Variants in PRKN observed in about 807,000 individuals in gnomAD.
PRKN encodes the protein E3 ubiquitin-protein ligase parkin.
Under a neutral mutation model 59.5 loss-of-function variants are expected in PRKN, and 56 were observed. The ratio of observed to expected loss-of-function variants is 0.94; its 90% CI spans 0.76 to 1.18. The LOEUF is 1.18. Ranked by LOEUF, PRKN falls within the 50% of genes most tolerant of loss-of-function variation. PRKN has a pLI of 0.00. For missense variants in PRKN, 657 were observed against 596.4 expected, an observed-to-expected ratio of 1.10 and a Z score of -1.06; for synonymous variants, 250 against 222.1, an observed-to-expected ratio of 1.13 and a Z score of -1.12.
chr6:162,080,988 A>G (rs987074268), intron 4 of PRKN, among the ~76,000 whole-genome samples: 3 of 152,090 alleles, frequency 2.0e-5, no homozygotes, highest in African/African-American at 7.3e-5. Flanking sequence ...TTGTTCTTCC[A>G]TAAGAAGCAA....
intron 6 of PRKN, among the ~76,000 whole-genome samples, chr6:161,850,664 C>T (rs1282209399): frequency 6.6e-6 from 1 of 151,254 alleles, no homozygotes; most frequent in Non-Finnish European, 1.5e-5. Flanking sequence ...TCTTCCCGTT[C>T]AGTAATAATT....
At chr6:162,034,766 C>T (rs1434674786) in intron 5 of PRKN, among the ~76,000 whole-genome samples, 1 of 152,148 alleles carries the variant, frequency 6.6e-6, no homozygotes, top group African/African-American at 2.4e-5. Flanking sequence ...TTAACTTTAT[C>T]CAAGACTCTA....
intron 1 of PRKN, among the ~76,000 whole-genome samples, chr6:162,586,252 T>C (rs1219332846): frequency 6.6e-6 from 1 of 152,202 alleles, no homozygotes; most frequent in Non-Finnish European, 1.5e-5. Flanking sequence ...ACGTACCTCC[T>C]TCTAACTACG....
rs537671875 is a variant in PRKN, at chr6:161,530,521, CT to C, written c.1083+18332del. Among the ~76,000 whole-genome samples the C allele has an allele frequency of 1.0e-3, 144 of 141,684 alleles. No homozygotes were observed. The highest frequency in any genetic ancestry group is 1.1e-3 in the Admixed American group (16 of 14,332). 93.0% of individuals were successfully genotyped at this position (141,684 alleles called of 152,430 possible). ...GGCTTGCTTCTTTTTTTCTTTTTTTCTTTTTTTTTTTTGAGATGGAGTTTCA... is the reference window on the plus strand; with the variant it reads ...GGCTTGCTTCTTTTTTTCTTTTTTTCTTTTTTTTTTTGAGATGGAGTTTCA... On this transcript the variant is annotated intron_variant, in intron 9 of 11. Transcript: ENST00000366898. The surrounding 1 kb of genome is among the most constrained non-coding windows in gnomAD (Gnocchi z 5.0).
At chr6:161,957,664 C>T (rs1296694738) in intron 6 of PRKN, among the ~76,000 whole-genome samples, 1 of 152,134 alleles carries the variant, frequency 6.6e-6, no homozygotes, top group Admixed American at 6.6e-5. Context: ...ACCTTGTGAT[C>T]CACCCGCCTC....
At chr6:162,394,963 T>TA (rs1787399030) in intron 2 of PRKN, among the ~76,000 whole-genome samples, 1 of 152,140 alleles carries the variant, frequency 6.6e-6, no homozygotes, top group South Asian at 2.1e-4. Context: ...AAGCCAGGGG[T>TA]TGTCTTATTA....
intron 7 of PRKN, among the ~76,000 whole-genome samples, chr6:161,781,710 A>G (rs1324818423): frequency 1.3e-5 from 2 of 152,234 alleles, no homozygotes; most frequent in African/African-American, 4.8e-5. Flanking sequence ...GCTATACAGA[A>G]AATATTTTTG....
intron 3 of PRKN, among the ~76,000 whole-genome samples, chr6:162,224,910 A>C (rs1372913642): frequency 6.6e-6 from 1 of 152,180 alleles, no homozygotes; most frequent in Non-Finnish European, 1.5e-5. Flanking sequence ...TACTCATCTG[A>C]GATGCCCTGG....
Position 162,226,063 on chromosome 6 carries a change from T to TTAATAA in PRKN, c.413-24817_413-24812dup, listed in dbSNP as rs746613563. On this transcript the variant is annotated intron_variant, in intron 3 of 11. Transcript: ENST00000366898. ...AGGTAGGGAGAAGGCATCAATAAGT[T>TTAATAA]TAATAATAATAATAATAATAATAAT... 3.3e-3 allele frequency among the ~76,000 whole-genome samples: 470 copies of TTAATAA among 141,220 alleles called. 4 individuals are homozygous for TTAATAA. The highest frequency in any genetic ancestry group is 0.021 in the South Asian group (91 of 4,414). The allele number at this position is 141,220 out of a possible 152,430, so 92.6% of individuals were successfully genotyped here.
At chr6:162,323,778 C>G (rs1401783461) in intron 2 of PRKN, among the ~76,000 whole-genome samples, 1 of 152,020 alleles carries the variant, frequency 6.6e-6, no homozygotes, top group Non-Finnish European at 1.5e-5. Context: ...TTGGGAATAA[C>G]TGAAACTCCC....
chr6:162,277,621 A>T (rs532400790), intron 2 of PRKN, among the ~76,000 whole-genome samples: 12 of 152,312 alleles, frequency 7.9e-5, no homozygotes, highest in African/African-American at 2.6e-4. Flanking sequence ...AACAAACATT[A>T]AAAAAGGGCC....
At chr6:162,472,654 AT>A (rs1214037792) in intron 1 of PRKN, among the ~76,000 whole-genome samples, 8 of 117,782 alleles carry the variant, frequency 6.8e-5, no homozygotes, top group Non-Finnish European at 7.2e-5. Flanking sequence ...CGCCCGGCTA[AT>A]TTTTTTTTTG....
intron 11 of PRKN, among the ~76,000 whole-genome samples, chr6:161,358,745 A>G (rs1489782032): frequency 6.7e-6 from 1 of 149,032 alleles, no homozygotes; most frequent in Non-Finnish European, 1.5e-5. Context: ...GGTGGTGGAG[A>G]CTAGAGAAGC....
intron 4 of PRKN, among the ~76,000 whole-genome samples, chr6:162,063,875 T>A (rs1024859251): frequency 3.3e-5 from 5 of 152,128 alleles, no homozygotes; most frequent in African/African-American, 1.2e-4. Flanking sequence ...AAACATATAG[T>A]TAAACTATGA....
chr6:161,574,808 T>G (rs551551920), intron 7 of PRKN, among the ~76,000 whole-genome samples: 2 of 152,334 alleles, frequency 1.3e-5, no homozygotes, highest in South Asian at 4.1e-4. Context: ...TATTCTGTCC[T>G]TTCTAACATG....
chr6:161,712,180 T>C (rs1179908756), intron 7 of PRKN, among the ~76,000 whole-genome samples: 11 of 152,180 alleles, frequency 7.2e-5, no homozygotes, highest in Non-Finnish European at 1.3e-4. Context: ...AAGTGGGAAA[T>C]CACTTGGGAG....
At chr6:162,614,808 A>G (rs999958114) in intron 1 of PRKN, among the ~76,000 whole-genome samples, 1 of 152,212 alleles carries the variant, frequency 6.6e-6, no homozygotes, top group African/African-American at 2.4e-5. Flanking sequence ...ACTAGCATAG[A>G]AAGAGCCATA....
chr6:162,224,600 T>C (rs1297590746), intron 3 of PRKN, among the ~76,000 whole-genome samples: 1 of 152,158 alleles, frequency 6.6e-6, no homozygotes, highest in African/African-American at 2.4e-5. Flanking sequence ...TCATTTATAC[T>C]TTCCCAGTTG....
At chr6:162,460,960 A>G (rs1032575684) in intron 1 of PRKN, among the ~76,000 whole-genome samples, 1 of 152,180 alleles carries the variant, frequency 6.6e-6, no homozygotes, top group Non-Finnish European at 1.5e-5. Flanking sequence ...ATATGCTCTA[A>G]AGTAAGTATG....
Sources: gnomAD v4.1 joint callset for allele counts (sites outside exome capture counted in the v4.1 genomes callset) on GRCh38, gnomAD v4.1.1 for gene constraint, Gnocchi (gnomAD v3.1) non-coding constraint, MANE v1.5 for transcripts, NCBI Gene and HGNC (gene_info 2026-07-23, HGNC 2026-07-21) for gene names.